EPB41L4A: variants seen among roughly 807,000 people sequenced by gnomAD.
EPB41L4A encodes the protein band 4.1-like protein 4A.
In EPB41L4A, 100 loss-of-function variants were observed where a neutral mutation model predicts 108.6. The observed-to-expected ratio is 0.92, with a 90% confidence interval of 0.78 to 1.09. The LOEUF (loss-of-function observed/expected upper bound fraction) is 1.09. EPB41L4A is among the 50% of genes least tolerant of loss of function. EPB41L4A has a pLI of 0.00. For synonymous variants in EPB41L4A, 319 were observed against 289.0 expected (o/e 1.10, Z -1.05); for missense variants, 1,030 against 842.7 (o/e 1.22, Z -2.75).
At position 112,168,986 on chromosome 5, in the gene EPB41L4A, C is replaced by G. The variant is rs752536809; in HGVS notation, c.1850+9G>C. 16 of 1,599,400 alleles carry G rather than the reference C, an allele frequency of 1.0e-5. No individual in the cohort carries two copies. The highest frequency in any genetic ancestry group is 1.4e-5 in the Non-Finnish European group (16 of 1,166,564). On this transcript the variant is annotated intron_variant, in intron 21 of 22. Coordinates refer to ENST00000261486, the MANE Select transcript of EPB41L4A (RefSeq NM_022140.5). ...GATGGTGATGGTGTACTCTGGCCTG[C>G]CCACTTACTTCACTTCCGAGAGAAC...
At chr5:112,227,311 T>C (rs1037742469) in intron 12 of EPB41L4A, among the ~76,000 whole-genome samples, 1 of 152,182 alleles carries the variant, frequency 6.6e-6, no homozygotes, top group African/African-American at 2.4e-5. Context: ...ATCCTTTGTA[T>C]ATGAAGTTCA....
At chr5:112,302,816 T>G in intron 2 of EPB41L4A, among the ~76,000 whole-genome samples, 1 of 152,180 alleles carries the variant, frequency 6.6e-6, no homozygotes, top group Non-Finnish European at 1.5e-5. Flanking sequence ...TAACACACAT[T>G]CGTCAGCAGG....
chr5:112,220,633 C>T (rs539795696), intron 12 of EPB41L4A, among the ~76,000 whole-genome samples: 2 of 152,292 alleles, frequency 1.3e-5, no homozygotes, highest in African/African-American at 4.8e-5. Flanking sequence ...GTTGCCCTCC[C>T]CACCTGACTC....
chr5:112,358,408 G>C (rs1219376752), intron 1 of EPB41L4A, among the ~76,000 whole-genome samples: 1 of 152,168 alleles, frequency 6.6e-6, no homozygotes, highest in African/African-American at 2.4e-5. Context: ...ATTTCACAAA[G>C]ACTGTAACTG....
At chr5:112,165,152 G>T in intron 22 of EPB41L4A, 34 bp from the exon 23 acceptor site, 1 of 1,503,526 alleles carries the variant, frequency 6.7e-7, no homozygotes, top group Non-Finnish European at 9.1e-7. Context: ...GAAAGATTCA[G>T]AAGAAAACAG....
At chr5:112,245,093 A>T (rs1269819288) in intron 9 of EPB41L4A, among the ~76,000 whole-genome samples, 4 of 151,548 alleles carry the variant, frequency 2.6e-5, no homozygotes, top group African/African-American at 7.3e-5. Context: ...GCAAAGCACA[A>T]TAAAGTGAAG....
In EPB41L4A at chr5:112,199,154, C is replaced by T. The variant is rs148900934; in HGVS notation, c.1377-3446G>A. Among the ~76,000 whole-genome samples the T allele has an allele frequency of 2.0e-5, 3 of 152,290 alleles. No homozygotes were observed. In the East Asian group the frequency reaches 5.8e-4, roughly 29 times the overall value. Reference sequence around the variant, plus strand: ...GTATATGTAAGTCTTTTCTCTTGTACCTAGTCCATTTCCTGCAGTGAGATT... The same window carrying T: ...GTATATGTAAGTCTTTTCTCTTGTATCTAGTCCATTTCCTGCAGTGAGATT... On this transcript the variant is annotated intron_variant, in intron 15 of 22. Transcript: ENST00000261486.
intron 1 of EPB41L4A, among the ~76,000 whole-genome samples, chr5:112,347,039 T>C (rs989322981): frequency 2.6e-4 from 40 of 152,282 alleles, no homozygotes; most frequent in African/African-American, 8.9e-4. Flanking sequence ...ACCAACTGTG[T>C]CCTGAACCAC....
chr5:112,346,216 A>ATTTTATTTTTTTTT (rs1757662012), intron 1 of EPB41L4A, among the ~76,000 whole-genome samples: 1 of 67,294 alleles, frequency 1.5e-5, no homozygotes, highest in Non-Finnish European at 3.1e-5. Flanking sequence ...GGTACATTGC[A>ATTTTATTTTTTTTT]TTTTTTTTTT....
At chr5:112,309,907 A>C (rs1026531143) in intron 1 of EPB41L4A, among the ~76,000 whole-genome samples, 1 of 152,222 alleles carries the variant, frequency 6.6e-6, no homozygotes, top group Non-Finnish European at 1.5e-5. Context: ...CCCCCAGCTA[A>C]CAGCCAGCAA....
intron 1 of EPB41L4A, among the ~76,000 whole-genome samples, chr5:112,411,744 C>T (rs1231765847): frequency 6.6e-6 from 1 of 152,194 alleles, no homozygotes. Context: ...CCATACAGCA[C>T]TCCCATTAGG....
intron 1 of EPB41L4A, among the ~76,000 whole-genome samples, chr5:112,365,541 T>C (rs182613430): frequency 2.2e-4 from 34 of 152,292 alleles, no homozygotes; most frequent in Non-Finnish European, 3.1e-4. Flanking sequence ...AGAGATAATA[T>C]AGAGTTCCTA....
intron 12 of EPB41L4A, among the ~76,000 whole-genome samples, chr5:112,147,973 A>T (rs1276557360): frequency 6.6e-6 from 1 of 151,882 alleles, no homozygotes; most frequent in African/African-American, 2.4e-5. Context: ...CAGGAGGTGG[A>T]GGCTGCAGTG....
intron 2 of EPB41L4A, among the ~76,000 whole-genome samples, chr5:112,286,546 C>T (rs1753294191): frequency 6.6e-6 from 1 of 152,168 alleles, no homozygotes; most frequent in Non-Finnish European, 1.5e-5. Context: ...AAAATGGAAA[C>T]AATCATAAGA....
chr5:112,147,172 T>C (rs1427815344), intron 12 of EPB41L4A, among the ~76,000 whole-genome samples: 3 of 152,194 alleles, frequency 2.0e-5, no homozygotes, highest in South Asian at 2.1e-4. Flanking sequence ...CTTGAATTAG[T>C]ATTCATTTAG....
intron 1 of EPB41L4A, among the ~76,000 whole-genome samples, chr5:112,405,040 C>A (rs145481638): frequency 2.0e-5 from 3 of 152,274 alleles, no homozygotes; most frequent in African/African-American, 4.8e-5. Flanking sequence ...GTTTTCATAC[C>A]CTTGTTTAGT....
chr5:112,226,905 G>C (rs189729019), intron 12 of EPB41L4A, among the ~76,000 whole-genome samples: 29 of 149,964 alleles, frequency 1.9e-4, no homozygotes, highest in Admixed American at 4.0e-4. Flanking sequence ...ACAACAATGT[G>C]AATATATTTA....
chr5:112,220,855 T>C (rs776021232), intron 12 of EPB41L4A, among the ~76,000 whole-genome samples: 2 of 152,162 alleles, frequency 1.3e-5, no homozygotes, highest in South Asian at 4.1e-4. Context: ...GGGGATATCA[T>C]ACAGGGAAAC....
chr5:112,351,016 T>C (rs977268493), intron 1 of EPB41L4A, among the ~76,000 whole-genome samples: 7 of 152,218 alleles, frequency 4.6e-5, no homozygotes, highest in African/African-American at 1.7e-4. Flanking sequence ...CTAGATCATA[T>C]GGTAGTTCTA....
Sources: gnomAD v4.1 joint callset for allele counts (sites outside exome capture counted in the v4.1 genomes callset) on GRCh38, gnomAD v4.1.1 for gene constraint, MANE v1.5 for transcripts, NCBI Gene and HGNC (gene_info 2026-07-23, HGNC 2026-07-21) for gene names.